PARD3: variants seen among roughly 807,000 people sequenced by gnomAD.
The protein encoded by PARD3 is partitioning defective 3 homolog.
Under a neutral mutation model 155.4 loss-of-function variants are expected in PARD3, and 75 were observed. The ratio of observed to expected loss-of-function variants is 0.48; its 90% CI spans 0.40 to 0.58. The LOEUF (loss-of-function observed/expected upper bound fraction) is 0.58. Among genes scored for constraint, PARD3 ranks in the 20% least tolerant of loss-of-function variants. PARD3 has a pLI of 0.00. For missense variants in PARD3, 1,642 were observed against 1,721.7 expected (o/e 0.95, Z 0.82); for synonymous variants, 576 against 610.5 (o/e 0.94, Z 0.83).
At chr10:34,551,191 T>C (rs1197866919) in intron 2 of PARD3, among the ~76,000 whole-genome samples, 1 of 152,114 alleles carries the variant, frequency 6.6e-6, no homozygotes, top group East Asian at 1.9e-4. Flanking sequence ...ATTTTGCACA[T>C]CCGTATGTCA....
rs947468581 is a variant in PARD3 at position 34,292,472 on chromosome 10, C to G, written c.3066-8227G>C. ...AGCTCCTATTTAGGCAAAAAAGCATCTTGGTAATCAACAATGATGAGAGAG... is the reference window on the plus strand; with the variant it reads ...AGCTCCTATTTAGGCAAAAAAGCATGTTGGTAATCAACAATGATGAGAGAG... On this transcript the variant is annotated intron_variant, in intron 20 of 24. Transcript: ENST00000374788. 9.2e-5 allele frequency among the ~76,000 whole-genome samples: 14 copies of G among 152,242 alleles called. No individual in the cohort carries two copies. The East Asian group carries it at 2.7e-3, about 29-fold the overall frequency.
At chr10:34,629,813 G>A (rs1157732829) in intron 2 of PARD3, among the ~76,000 whole-genome samples, 3 of 151,948 alleles carry the variant, frequency 2.0e-5, no homozygotes, top group African/African-American at 7.3e-5. Context: ...ACTGTTTTTG[G>A]GATAATCTGT....
intron 20 of PARD3, chr10:34,312,393 G>C (rs767899272): frequency 6.2e-7 from 1 of 1,612,492 alleles, no homozygotes; most frequent in Non-Finnish European, 8.5e-7. Context: ...CTAAATGAGA[G>C]ACACGGTACA....
intron 22 of PARD3, among the ~76,000 whole-genome samples, chr10:34,208,908 T>C (rs1025758947): frequency 2.0e-5 from 3 of 152,210 alleles, no homozygotes; most frequent in African/African-American, 7.2e-5. Flanking sequence ...GAAACCTCTA[T>C]AAATAAACAG....
At chr10:34,800,488 G>A (rs1448982522) in intron 1 of PARD3, among the ~76,000 whole-genome samples, 1 of 151,858 alleles carries the variant, frequency 6.6e-6, no homozygotes, top group Non-Finnish European at 1.5e-5. Flanking sequence ...GTGGGCACCT[G>A]TAATCCCAGC....
chr10:34,537,735 TTA>T (rs1426318291), intron 2 of PARD3, among the ~76,000 whole-genome samples: 3 of 152,146 alleles, frequency 2.0e-5, no homozygotes, highest in African/African-American at 7.2e-5. Context: ...CTAAAATCAG[TTA>T]TGTCTTTCAA....
chr10:34,585,699 C>A (rs1177312986), intron 2 of PARD3, among the ~76,000 whole-genome samples: 1 of 152,038 alleles, frequency 6.6e-6, no homozygotes, highest in Admixed American at 6.6e-5. Context: ...TGCTTATAGT[C>A]TTGAAGGCTT....
At position 34,384,940 on chromosome 10, in the gene PARD3, T is replaced by C. The variant is rs150574335; in HGVS notation, c.891-686A>G. Among the ~76,000 whole-genome samples the C allele has an allele frequency of 3.5e-3, 532 of 152,272 alleles. 2 individuals carry two copies. The highest frequency in any genetic ancestry group is 0.012 in the African/African-American group (502 of 41,556). ...AATCACCATTCATCTCTTCCACATA[T>C]GTACTCACTCAGGTTGAAAGAAAAG... On this transcript the variant is annotated intron_variant, in intron 7 of 24. Transcript: ENST00000374788.
At chr10:34,409,982 C>T (rs1011923288) in intron 5 of PARD3, among the ~76,000 whole-genome samples, 2 of 152,136 alleles carry the variant, frequency 1.3e-5, no homozygotes, top group African/African-American at 4.8e-5. Flanking sequence ...CCTCAGTTTA[C>T]TCATTTATAA....
intron 20 of PARD3, among the ~76,000 whole-genome samples, chr10:34,289,552 G>A (rs1956575525): frequency 2.0e-5 from 3 of 152,060 alleles, no homozygotes; most frequent in Admixed American, 2.0e-4. Context: ...CCTTTAAAAT[G>A]TTGAGATAAA....
chr10:34,168,002 A>G (rs1035166856), intron 22 of PARD3, among the ~76,000 whole-genome samples: 2 of 152,090 alleles, frequency 1.3e-5, no homozygotes, highest in South Asian at 4.2e-4. Context: ...ATGTTGAAAC[A>G]TGAGTTTTTT....
At chr10:34,578,090 A>G (rs2087056983) in intron 2 of PARD3, among the ~76,000 whole-genome samples, 1 of 150,832 alleles carries the variant, frequency 6.6e-6, no homozygotes, top group South Asian at 2.1e-4. Flanking sequence ...ACAGTGTCTC[A>G]GTATGAACTC....
chr10:34,664,353 C>T (rs573387866), intron 2 of PARD3, among the ~76,000 whole-genome samples: 1 of 152,114 alleles, frequency 6.6e-6, no homozygotes, highest in East Asian at 1.9e-4. Flanking sequence ...CAGGTGTGCA[C>T]CCCCAGGCCC....
intron 1 of PARD3, among the ~76,000 whole-genome samples, chr10:34,732,493 A>C (rs2094836806): frequency 6.6e-6 from 1 of 152,184 alleles, no homozygotes; most frequent in East Asian, 1.9e-4. Flanking sequence ...CAGGAGTTTG[A>C]GATCAGCCTG....
intron 1 of PARD3, among the ~76,000 whole-genome samples, chr10:34,784,123 A>C (rs920097704): frequency 2.0e-5 from 3 of 152,052 alleles, no homozygotes; most frequent in African/African-American, 7.2e-5. Context: ...AGGCAGGAGG[A>C]TTGCTAGAGC....
chr10:34,129,881 G>A (rs1209759412), intron 23 of PARD3, among the ~76,000 whole-genome samples: 1 of 139,964 alleles, frequency 7.1e-6, no homozygotes, highest in Non-Finnish European at 1.5e-5. Flanking sequence ...TGTTGCCCAA[G>A]CTGGTCTCAA....
At chr10:34,303,551 A>C (rs1158446995) in intron 20 of PARD3, among the ~76,000 whole-genome samples, 1 of 152,172 alleles carries the variant, frequency 6.6e-6, no homozygotes, top group African/African-American at 2.4e-5. Flanking sequence ...AATTCTAGGA[A>C]TAGAAAAGCT....
intron 20 of PARD3, among the ~76,000 whole-genome samples, chr10:34,298,728 G>A (rs898647498): frequency 4.6e-5 from 7 of 152,156 alleles, no homozygotes; most frequent in Non-Finnish European, 1.0e-4. Flanking sequence ...CTTAAAAATG[G>A]CTACAGTGGT....
chr10:34,259,848 G>A (rs970119701), intron 22 of PARD3, among the ~76,000 whole-genome samples: 3 of 151,962 alleles, frequency 2.0e-5, no homozygotes, highest in African/African-American at 4.8e-5. Context: ...CTCATTTATC[G>A]CCCAGGTTGG....
Sources: allele counts gnomAD v4.1 joint callset (sites outside exome capture counted in the v4.1 genomes callset), GRCh38; gene constraint gnomAD v4.1.1; transcripts MANE v1.5; gene names NCBI Gene and HGNC (gene_info 2026-07-23, HGNC 2026-07-21).